INTS1: variants seen among roughly 807,000 people sequenced by gnomAD.
The protein encoded by INTS1 is integrator complex subunit 1.
Under a neutral mutation model 241.6 loss-of-function variants are expected in INTS1, and 137 were observed. The observed-to-expected ratio is 0.57, with a 90% CI of 0.49 to 0.65. The LOEUF (loss-of-function observed/expected upper bound fraction) is 0.65, where lower values mean the gene tolerates loss of function less well. Among genes scored for constraint, INTS1 ranks in the 30% least tolerant of loss-of-function variants. The pLI is 0.00. For missense variants in INTS1, 3,073 were observed against 3,032.2 expected, an observed-to-expected ratio of 1.01 and a Z score of -0.32; for synonymous variants, 1,692 against 1,337.8, an observed-to-expected ratio of 1.26 and a Z score of -5.78.
intron 19 of INTS1, 27 bp downstream of exon 19, chr7:1,487,733 C>T (rs1435334704): frequency 1.2e-6 from 2 of 1,602,640 alleles, no homozygotes; most frequent in East Asian, 2.2e-5. Context: ...ACGGCAGGCG[C>T]AGGGCGGGGC....
At chr7:1,471,851 G>A (rs1781481540) in intron 44 of INTS1, 6 of 599,552 alleles carry the variant, frequency 1.0e-5, no homozygotes, top group Middle Eastern at 4.4e-4. Flanking sequence ...CAAGGAGAGG[G>A]GTTGACCCCT....
chr7:1,480,966 G>A (rs879382816), intron 28 of INTS1, 33 bp from the exon 29 acceptor site: 128 of 1,478,318 alleles, frequency 8.7e-5, no homozygotes, highest in Non-Finnish European at 1.1e-4. Context: ...ACCTGGGCGC[G>A]GCCAGGGGCC....
Position 1,502,977 on chromosome 7 carries a change from G to A in INTS1, c.273C>T (p.Arg91=). 1 of 1,613,800 alleles carries A rather than the reference G, an allele frequency of 6.2e-7. No individual in the cohort carries two copies. Among genetic ancestry groups the A allele is most frequent in the Non-Finnish European group, 8.5e-7 (1 of 1,179,878 alleles). Residue 91 remains arginine (R), a synonymous_variant, in exon 3 of 48, where the codon CGC becomes CGT. Transcript: ENST00000404767. ...SSTPPLSALG[R]LAEAAVAEKR... ...TTTCTGCCACTGCAGCCTCAGCCAG[G>A]CGCCCCAGGGCACTCAGAGGGGGTG...
Position 1,479,416 on chromosome 7 carries a change from C to T in INTS1, c.4329+14G>A. 1 of 1,564,918 alleles carries T rather than the reference C, an allele frequency of 6.4e-7. No individual in the cohort carries two copies. Among genetic ancestry groups the T allele is most frequent in the Non-Finnish European group, 8.7e-7 (1 of 1,155,578 alleles). On this transcript the variant is annotated intron_variant, in intron 31 of 47. Coordinates refer to ENST00000404767, the MANE Select transcript of INTS1 (RefSeq NM_001080453.3). ...ACTGCCCTCCTCCCCCGCAAGAGGCCCACGCCCAAGTACCTGGTACTGGCA... is the reference window on the plus strand; with the variant it reads ...ACTGCCCTCCTCCCCCGCAAGAGGCTCACGCCCAAGTACCTGGTACTGGCA...
rs777754949 is a variant in INTS1 at position 1,477,920 on chromosome 7, G to C, written c.4647C>G (p.Ile1549Met). 13 of 1,612,534 alleles carry C rather than the reference G, an allele frequency of 8.1e-6. No individual in the cohort carries two copies. The East Asian group carries it at 2.5e-4, about 30-fold the overall frequency. ...DLISKVLQGL[I>M]EVRSPHLEEL... Reference sequence around the variant, plus strand: ...CCTCCAGGTGGGGGGACCTCACCTCGATCAGCCCCTGGAGGACTGCGCAAG... The same window carrying C: ...CCTCCAGGTGGGGGGACCTCACCTCCATCAGCCCCTGGAGGACTGCGCAAG... Residue 1549 changes from isoleucine (I) to methionine (M), a missense_variant, in exon 34 of 48, where the codon ATC (isoleucine) becomes ATG (methionine). Ile to Met is a conservative substitution (Grantham distance 10, BLOSUM62 1). Coordinates refer to ENST00000404767, the MANE Select transcript of INTS1 (RefSeq NM_001080453.3).
intron 39 of INTS1, 66 bp from the exon 40 acceptor site, chr7:1,474,904 C>T: frequency 2.6e-6 from 4 of 1,518,360 alleles, no homozygotes; most frequent in Non-Finnish European, 3.5e-6. Flanking sequence ...CACACTCAGC[C>T]TGGCCGCCAG....
chr7:1,477,878 G>A lies in INTS1; in HGVS notation c.4689C>T (p.Phe1563=). 2 of 1,612,650 alleles carry A rather than the reference G, an allele frequency of 1.2e-6. No individual in the cohort carries two copies. The highest frequency in any genetic ancestry group is 1.7e-6 in the Non-Finnish European group (2 of 1,179,858). Residue 1563 remains phenylalanine, a synonymous_variant, in exon 34 of 48, where the codon TTC becomes TTT. Transcript: ENST00000404767. ...SPHLEELLTA[F]FSATADAASP... is the part of the protein sequence containing the mutation. ...AGGCAGCATCCGCAGTGGCAGAGAA[G>A]AATGCAGTCAGCAGCTCCTCCAGGT...
rs750218636 is a variant in INTS1, at chr7:1,478,745, G to A, written c.4470C>T (p.Ala1490=). 4.3e-5 allele frequency: 68 copies of A among 1,586,928 alleles called. 1 individual carries two copies. Among genetic ancestry groups the A allele is most frequent in the South Asian group, 1.6e-4 (14 of 88,148 alleles). The change falls in exon 32 of 48, where the codon GCC becomes GCT. Residue 1490 remains alanine, a synonymous_variant. Transcript: ENST00000404767. ...CCTCACCATCACTGAGCCTGCGCCC[G>A]GCTGAGGCCTGGCTGGCAAGCATCC... ...QLRMLASQAS[A]GRRLSDVRGG...
At chr7:1,483,938 C>T (rs532752895) in intron 25 of INTS1, 65 bp downstream of exon 25, 20 of 1,585,660 alleles carry the variant, frequency 1.3e-5, no homozygotes, top group African/African-American at 5.4e-5. Flanking sequence ...CCGAGCGTGC[C>T]GTGCAGCCTC....
At position 1,476,044 on chromosome 7, in the gene INTS1, A is replaced by G. The variant is rs1261598715; in HGVS notation, c.5406T>C (p.Leu1802=). The G allele has an allele frequency of 2.6e-6, 4 of 1,545,066 alleles. No individual in the cohort carries two copies. Among genetic ancestry groups the G allele is most frequent in the African/African-American group, 1.4e-5 (1 of 72,984 alleles). Residue 1802 remains leucine, a synonymous_variant, in exon 39 of 48, where the codon CTT becomes CTC. Coordinates refer to ENST00000404767, the MANE Select transcript of INTS1 (RefSeq NM_001080453.3). ...DSVLGRRCRD[L]LLQLYLQRPE... Reference sequence around the variant, plus strand: ...GCCGCTGTAGGTAGAGCTGCAGGAGAAGGTCTCGGCAGCGCCTGCCCAGCA... The same window carrying G: ...GCCGCTGTAGGTAGAGCTGCAGGAGGAGGTCTCGGCAGCGCCTGCCCAGCA...
chr7:1,486,619 C>A lies in INTS1; in HGVS notation c.2976+6G>T, dbSNP rs1200050371. 1 of 1,610,708 alleles carries A rather than the reference C, an allele frequency of 6.2e-7. No homozygotes were observed. Among genetic ancestry groups the A allele is most frequent in the Non-Finnish European group, 8.5e-7 (1 of 1,179,062 alleles). ...CGTGCGCAGAAAGACCCGCCCACCA[C>A]CTCACCTTCATGGCCAGCACGCGGG... On this transcript the variant is annotated splice_donor_region_variant and intron_variant, in intron 22 of 47. Transcript: ENST00000404767.
In INTS1 at chr7:1,476,561, A is replaced by C. The variant is rs1435003501; in HGVS notation, c.5151+9T>G. The C allele has an allele frequency of 3.9e-6, 5 of 1,281,508 alleles. No individual in the cohort carries two copies. The highest frequency in any genetic ancestry group is 4.1e-6 in the Non-Finnish European group (4 of 969,326). The allele number at this position is 1,281,508 out of a possible 1,614,324, so 79.4% of individuals were successfully genotyped here. On this transcript the variant is annotated intron_variant, in intron 37 of 47. Coordinates refer to ENST00000404767, the MANE Select transcript of INTS1 (RefSeq NM_001080453.3). Reference sequence around the variant, plus strand: ...CCTCTCCCGGATGGGCCACCCTCCCAAGACCTGCCTGCGGGGTGCGCTGGT... The same window carrying C: ...CCTCTCCCGGATGGGCCACCCTCCCCAGACCTGCCTGCGGGGTGCGCTGGT...
intron 6 of INTS1, 43 bp from the exon 7 acceptor site, chr7:1,499,403 C>G (rs775793871): frequency 6.5e-7 from 1 of 1,541,552 alleles, no homozygotes; most frequent in Non-Finnish European, 8.8e-7. Context: ...CTCCCACCCG[C>G]CCATCCTCCC....
At position 1,481,030 on chromosome 7, in the gene INTS1, G is replaced by C; in HGVS notation, c.3851-97C>G. 1 of 876,900 alleles carries C rather than the reference G, an allele frequency of 1.1e-6. No individual in the cohort carries two copies. The highest frequency in any genetic ancestry group is 2.6e-5 in the East Asian group (1 of 38,274). The allele number at this position is 876,900 out of a possible 1,614,324, so 54.3% of individuals were successfully genotyped here. ...AACCAGAGTTGGAGATGCCCCCACC[G>C]TCACCAGCACTTCCCAAGGACTTCA... is the stretch of plus-strand genomic sequence containing the variant. On this transcript the variant is annotated intron_variant, in intron 28 of 47. Transcript: ENST00000404767. This position sits in a 1 kb window ranked among gnomAD's most constrained non-coding sequence, Gnocchi z 6.8.
In INTS1 at chr7:1,499,170, G is replaced by C. The variant is rs770837551; in HGVS notation, c.951-9C>G. The C allele has an allele frequency of 6.2e-7, 1 of 1,607,570 alleles. No homozygotes were observed. Among genetic ancestry groups the C allele is most frequent in the South Asian group, 1.1e-5 (1 of 90,966 alleles). On this transcript the variant is annotated splice_polypyrimidine_tract_variant and intron_variant, in intron 7 of 47. Transcript: ENST00000404767. Reference sequence around the variant, plus strand: ...CCGCGAGCTCTTCGTACCTAGGCCAGAGGAGGGAGCGAGGAGGGAGGAAGG... The same window carrying C: ...CCGCGAGCTCTTCGTACCTAGGCCACAGGAGGGAGCGAGGAGGGAGGAAGG...
In INTS1 at chr7:1,494,831, G is replaced by A. The variant is rs1358865308; in HGVS notation, c.1895C>T (p.Pro632Leu). Residue 632 changes from proline to leucine, a missense_variant, in exon 14 of 48, where the codon CCC becomes CTC. Transcript: ENST00000404767. ...GCGCACTCACTTGCGGTCACTCTCG[G>A]GTGGCCAGTTGTCCCACTTGTAGTA... ...ETYYKWDNWP[P>L]ESDRNFFLRL... 4 of 1,566,562 alleles carry A rather than the reference G, an allele frequency of 2.6e-6. No individual in the cohort carries two copies. The highest frequency in any genetic ancestry group is 2.7e-5 in the African/African-American group (2 of 73,728).
Position 1,499,285 on chromosome 7 carries a change from C to A in INTS1, c.920G>T (p.Ser307Ile), listed in dbSNP as rs1783027666. 6.2e-7 allele frequency: 1 copy of A among 1,609,942 alleles called. No homozygotes were observed. Among genetic ancestry groups the A allele is most frequent in the East Asian group, 2.2e-5 (1 of 44,824 alleles). ...CATGAGCTGGCCCTCCTGCTCGGGG[C>A]TCAGCTTCTCCTCCGCGATCAGCAA... Reference protein sequence around the residue: ...TELLIAEEKLSPEQEGQLMPR... With the variant: ...TELLIAEEKLIPEQEGQLMPR... The change falls in exon 7 of 48, where the codon AGC becomes ATC. Residue 307 changes from serine to isoleucine, a missense_variant. Ser to Ile is a moderately radical substitution (Grantham distance 142). Coordinates refer to ENST00000404767, the MANE Select transcript of INTS1 (RefSeq NM_001080453.3).
chr7:1,481,073 G>T lies in INTS1; in HGVS notation c.3851-140C>A. On this transcript the variant is annotated intron_variant, in intron 28 of 47. Transcript: ENST00000404767. The surrounding 1 kb of genome is among the most constrained non-coding windows in gnomAD (Gnocchi z 6.8). ...GGACTTCAGAAGCTGGGTGAGCTCAGTCAGCACTGAGGCCCCAACAGCTCC... is the reference window on the plus strand; with the variant it reads ...GGACTTCAGAAGCTGGGTGAGCTCATTCAGCACTGAGGCCCCAACAGCTCC... 1 of 714,830 alleles carries T rather than the reference G, an allele frequency of 1.4e-6. No individual in the cohort carries two copies. The highest frequency in any genetic ancestry group is 2.4e-6 in the Non-Finnish European group (1 of 413,318). The allele number at this position is 714,830 out of a possible 1,614,324, so 44.3% of individuals were successfully genotyped here. A position where few individuals can be genotyped will look rare whatever the true frequency, so the allele number is the denominator to read the frequency against.
At position 1,493,908 on chromosome 7, in the gene INTS1, G is replaced by A; in HGVS notation, c.1914C>T (p.Phe638=). 1.3e-6 allele frequency: 2 copies of A among 1,559,728 alleles called. No homozygotes were observed. The highest frequency in any genetic ancestry group is 1.4e-5 in the African/African-American group (1 of 73,594). Residue 638 remains phenylalanine, a synonymous_variant, in exon 15 of 48, where the codon TTC becomes TTT. Coordinates refer to ENST00000404767, the MANE Select transcript of INTS1 (RefSeq NM_001080453.3). This position sits in a 1 kb window ranked among gnomAD's most constrained non-coding sequence, Gnocchi z 5.3. Reference sequence around the variant, plus strand: ...GCACCTCGGAGCACAGACGCAGGAAGAAGCTGCGGGGTGGGGGAGGCATGA... The same window carrying A: ...GCACCTCGGAGCACAGACGCAGGAAAAAGCTGCGGGGTGGGGGAGGCATGA... ...DNWPPESDRN[F]FLRLCSEVPI... is the part of the protein sequence containing the mutation.
Sources: allele counts gnomAD v4.1 joint callset, GRCh38; gene constraint gnomAD v4.1.1; non-coding constraint Gnocchi (gnomAD v3.1); transcripts MANE v1.5; gene names NCBI Gene and HGNC (gene_info 2026-07-23, HGNC 2026-07-21).